VWA3B: variants seen among roughly 807,000 people sequenced by gnomAD.
VWA3B encodes von Willebrand factor A domain-containing protein 3B.
A neutral mutation model predicts 158.3 loss-of-function variants in VWA3B; 138 were observed. That is an observed-to-expected ratio of 0.87 (90% CI 0.76 to 1.00). The LOEUF (loss-of-function observed/expected upper bound fraction) is 1.00. Among genes scored for constraint, VWA3B ranks in the 50% least tolerant of loss-of-function variants. VWA3B has a pLI of 0.00. For synonymous variants in VWA3B, 596 were observed against 587.3 expected (o/e 1.01, Z -0.21); for missense variants, 1,555 against 1,565.1 (o/e 0.99, Z 0.11).
chr2:98,245,041 T>C (rs62156716), intron 19 of VWA3B, among the ~76,000 whole-genome samples: 5,914 of 152,186 alleles, frequency 0.039, 173 homozygotes, highest in Middle Eastern at 0.075. Context: ...CCTTGTCACA[T>C]ATGGTGTAAT....
intron 19 of VWA3B, among the ~76,000 whole-genome samples, chr2:98,248,811 CTT>C (rs1308104052): frequency 7.3e-5 from 11 of 151,194 alleles, no homozygotes; most frequent in African/African-American, 4.8e-5. Flanking sequence ...CTCTGTCTCT[CTT>C]TCTCTTTCTT....
chr2:98,180,078 T>C (rs1308351869), intron 8 of VWA3B, among the ~76,000 whole-genome samples: 1 of 148,924 alleles, frequency 6.7e-6, no homozygotes, highest in Non-Finnish European at 1.5e-5. Context: ...CTCTCTTTCT[T>C]TCTTTCTCTC....
At chr2:98,248,881 TTC>T (rs66488415) in intron 19 of VWA3B, among the ~76,000 whole-genome samples, 3 of 43,714 alleles carry the variant, frequency 6.9e-5, no homozygotes, top group Non-Finnish European at 1.5e-4. Flanking sequence ...CTTTCTTTCT[TTC>T]TCTCTTTCCT....
chr2:98,115,671 G>A lies in VWA3B; in HGVS notation c.216G>A (p.Gly72=). 6.2e-7 allele frequency: 1 copy of A among 1,613,840 alleles called. No homozygotes were observed. Among genetic ancestry groups the A allele is most frequent in the Non-Finnish European group, 8.5e-7 (1 of 1,179,992 alleles). ...ATGCAGATTATGTGGCGTCTCTGGG[G>A]AGACCTGTGGCTTCTCGGTATGCTG... ...PHCEDYVASL[G]RPVASRYADG... is the part of the protein sequence containing the mutation. Residue 72 remains glycine, a synonymous_variant, in exon 3 of 28, where the codon GGG becomes GGA. Transcript: ENST00000477737.
intron 20 of VWA3B, among the ~76,000 whole-genome samples, chr2:98,254,626 G>A (rs1686997028): frequency 6.6e-6 from 1 of 152,138 alleles, no homozygotes; most frequent in South Asian, 2.1e-4. Context: ...ACATTTACCT[G>A]GATCAGACAC....
chr2:98,130,555 C>A (rs999767656), intron 6 of VWA3B, among the ~76,000 whole-genome samples: 5 of 152,146 alleles, frequency 3.3e-5, no homozygotes, highest in African/African-American at 1.2e-4. Flanking sequence ...GTGTTTGTGT[C>A]CCTGGGTACT....
At chr2:98,316,722 T>C (rs1358031784), downstream of VWA3B, among the ~76,000 whole-genome samples, 1 of 144,610 alleles carries the variant, frequency 6.9e-6, no homozygotes, top group East Asian at 2.0e-4. Context: ...ATCATGGGGG[T>C]GGAGTTCTCA....
At chr2:98,269,846 T>G (rs78331568) in intron 21 of VWA3B, among the ~76,000 whole-genome samples, 2 of 152,226 alleles carry the variant, frequency 1.3e-5, no homozygotes, top group Non-Finnish European at 2.9e-5. Context: ...CCAATAAGAA[T>G]GTTTTGCTGT....
intron 21 of VWA3B, among the ~76,000 whole-genome samples, chr2:98,262,339 A>G (rs1355139299): frequency 1.3e-5 from 2 of 151,860 alleles, no homozygotes; most frequent in African/African-American, 2.4e-5. Context: ...TTTTGGTGTC[A>G]TATCCAAAAA....
At chr2:98,221,404 T>C (rs779748218) in intron 14 of VWA3B, among the ~76,000 whole-genome samples, 1 of 152,090 alleles carries the variant, frequency 6.6e-6, no homozygotes, top group African/African-American at 2.4e-5. Context: ...TCATATACCA[T>C]GGAAAAAACT....
chr2:98,303,861 T>G (rs909331281), intron 26 of VWA3B, 59 bp downstream of exon 26: 5 of 1,528,896 alleles, frequency 3.3e-6, no homozygotes, highest in Non-Finnish European at 4.5e-6. Context: ...ACCTTTAATC[T>G]GTTTTTGAGA....
At chr2:98,128,191 A>G in intron 5 of VWA3B, 48 bp from the exon 6 acceptor site, 1 of 1,605,672 alleles carries the variant, frequency 6.2e-7, no homozygotes, top group Non-Finnish European at 8.5e-7. Flanking sequence ...ACTAGTACCA[A>G]GCTAGGGCAT....
chr2:98,150,282 T>G (rs1234235209), intron 7 of VWA3B, among the ~76,000 whole-genome samples: 1 of 152,238 alleles, frequency 6.6e-6, no homozygotes. Flanking sequence ...TTTTCTGTGT[T>G]TGTTTTTCCA....
intron 7 of VWA3B, among the ~76,000 whole-genome samples, chr2:98,139,523 C>T (rs996357699): frequency 6.6e-6 from 1 of 152,186 alleles, no homozygotes; most frequent in African/African-American, 2.4e-5. Context: ...GTAAATACAC[C>T]AATCGGCACT....
At chr2:98,120,421 A>G (rs1343611918) in intron 4 of VWA3B, among the ~76,000 whole-genome samples, 1 of 152,250 alleles carries the variant, frequency 6.6e-6, no homozygotes, top group Non-Finnish European at 1.5e-5. Flanking sequence ...AATAGAGGAC[A>G]TCTTTGGGGA....
chr2:98,132,018 C>G (rs1448071719), intron 6 of VWA3B, among the ~76,000 whole-genome samples: 1 of 152,142 alleles, frequency 6.6e-6, no homozygotes, highest in Non-Finnish European at 1.5e-5. Flanking sequence ...CAGAAGGGGG[C>G]TCCCTCCTGT....
At chr2:98,197,156 C>G (rs1241470779) in intron 12 of VWA3B, among the ~76,000 whole-genome samples, 1 of 152,188 alleles carries the variant, frequency 6.6e-6, no homozygotes, top group Non-Finnish European at 1.5e-5. Flanking sequence ...GACCTTGACA[C>G]TTTTGAAGAG....
chr2:98,262,071 A>G (rs1231967545), intron 21 of VWA3B, among the ~76,000 whole-genome samples: 3 of 151,772 alleles, frequency 2.0e-5, no homozygotes, highest in African/African-American at 7.2e-5. Flanking sequence ...ACATTTGTAT[A>G]TCTTCTTTGG....
At chr2:98,089,380 G>A (rs1160213581) in intron 1 of VWA3B, among the ~76,000 whole-genome samples, 3 of 152,146 alleles carry the variant, frequency 2.0e-5, no homozygotes, top group South Asian at 2.1e-4. Flanking sequence ...GAGGGGCTGC[G>A]GAAGGTTGTG....
Sources: gnomAD v4.1 joint callset for allele counts (sites outside exome capture counted in the v4.1 genomes callset) on GRCh38, gnomAD v4.1.1 for gene constraint, MANE v1.5 for transcripts, NCBI Gene and HGNC (gene_info 2026-07-23, HGNC 2026-07-21) for gene names.